FRAS1: variants seen among roughly 807,000 people sequenced by gnomAD.
FRAS1 encodes extracellular matrix organizing protein FRAS1.
Under a neutral mutation model 435.2 loss-of-function variants are expected in FRAS1, and 290 were observed. The observed-to-expected ratio is 0.67, with a 90% confidence interval of 0.61 to 0.73. The LOEUF is 0.73. Ranked by LOEUF, FRAS1 falls within the 30% of genes least tolerant of loss-of-function variation. The pLI is 0.00. For missense variants in FRAS1, 4,860 were observed against 5,001.5 expected (o/e 0.97, Z 0.85); for synonymous variants, 1,800 against 1,851.0 (o/e 0.97, Z 0.71).
intron 5 of FRAS1, 35 bp downstream of exon 5, chr4:78,252,586 CT>C: frequency 6.3e-7 from 1 of 1,589,586 alleles, no homozygotes; most frequent in Non-Finnish European, 8.6e-7. Flanking sequence ...ACCCTCTTTG[CT>C]TGGGAGGTTC....
intron 2 of FRAS1, among the ~76,000 whole-genome samples, chr4:78,194,448 T>C (rs1016927493): frequency 1.3e-5 from 2 of 152,242 alleles, no homozygotes; most frequent in African/African-American, 4.8e-5. Flanking sequence ...TAGTCTCATA[T>C]TTCTTGGAGG....
chr4:78,317,349 C>G lies in FRAS1; in HGVS notation c.1820-19C>G, dbSNP rs1243757111. 4 of 1,613,560 alleles carry G rather than the reference C, an allele frequency of 2.5e-6. No homozygotes were observed. Among genetic ancestry groups the G allele is most frequent in the Non-Finnish European group, 3.4e-6 (4 of 1,179,694 alleles). ...TCACCCATGTCCCATGGCGTTCTCC[C>G]TCTCACTCTCTTCCTCAGTTTGTCA... On this transcript the variant is annotated intron_variant, in intron 16 of 73. Transcript: ENST00000512123.
At chr4:78,116,040 C>G (rs993562330) in intron 2 of FRAS1, among the ~76,000 whole-genome samples, 1 of 152,172 alleles carries the variant, frequency 6.6e-6, no homozygotes, top group Non-Finnish European at 1.5e-5. Flanking sequence ...TCTTTGTTCT[C>G]ATTGGTTTCA....
At chr4:78,080,465 G>A (rs1487342312) in intron 2 of FRAS1, among the ~76,000 whole-genome samples, 1 of 152,066 alleles carries the variant, frequency 6.6e-6, no homozygotes, top group Non-Finnish European at 1.5e-5. Flanking sequence ...TTCTATCATA[G>A]GCAAGAAGTC....
At chr4:78,174,098 C>G (rs757738840) in intron 2 of FRAS1, among the ~76,000 whole-genome samples, 7 of 152,166 alleles carry the variant, frequency 4.6e-5, no homozygotes, top group Non-Finnish European at 7.4e-5. Context: ...AGAATAGCAG[C>G]TTCTTTTATT....
intron 38 of FRAS1, among the ~76,000 whole-genome samples, chr4:78,433,271 A>G (rs1163206841): frequency 6.6e-6 from 1 of 152,224 alleles, no homozygotes; most frequent in Non-Finnish European, 1.5e-5. Flanking sequence ...GCTAAGGATA[A>G]TGAGGATGAT....
intron 5 of FRAS1, among the ~76,000 whole-genome samples, chr4:78,252,853 G>A (rs1355060020): frequency 2.6e-5 from 4 of 152,156 alleles, no homozygotes; most frequent in Non-Finnish European, 5.9e-5. Flanking sequence ...ATGCTTCAAA[G>A]GGCAATAAAG....
chr4:78,060,110 T>C (rs1739689787), intron 1 of FRAS1, among the ~76,000 whole-genome samples: 1 of 152,108 alleles, frequency 6.6e-6, no homozygotes, highest in Admixed American at 6.6e-5. Flanking sequence ...TGAGCAGGTA[T>C]TGTTTGCCTG....
rs150199754 is a variant in FRAS1 at position 78,157,589 on chromosome 4, T to C, written c.109-79921T>C. On this transcript the variant is annotated intron_variant, in intron 2 of 73. Transcript: ENST00000512123. ...AATTAGTGATACTAAGCATTTTTCATGTTTGTTGGCTGCTTGTATGTCTTC... is the reference window on the plus strand; with the variant it reads ...AATTAGTGATACTAAGCATTTTTCACGTTTGTTGGCTGCTTGTATGTCTTC... Among the ~76,000 whole-genome samples, 472 of 152,356 alleles carry C rather than the reference T, an allele frequency of 3.1e-3. 5 individuals are homozygous for C. Among genetic ancestry groups the C allele is most frequent in the African/African-American group, 0.011 (456 of 41,588 alleles).
chr4:78,112,247 T>G (rs1277004745), intron 2 of FRAS1, among the ~76,000 whole-genome samples: 1 of 152,134 alleles, frequency 6.6e-6, no homozygotes, highest in Non-Finnish European at 1.5e-5. Context: ...AGAAAAGTCA[T>G]GTCAAAAGCT....
At chr4:78,208,304 G>A (rs1723349283) in intron 2 of FRAS1, among the ~76,000 whole-genome samples, 1 of 152,140 alleles carries the variant, frequency 6.6e-6, no homozygotes, top group African/African-American at 2.4e-5. Flanking sequence ...GCAGCCTTGA[G>A]CTCTAGATCT....
In FRAS1 at chr4:78,359,907, A is replaced by G. The variant is rs142394116; in HGVS notation, c.2423-3606A>G. 6.8e-4 allele frequency among the ~76,000 whole-genome samples: 104 copies of G among 152,268 alleles called. 1 individual carries two copies. In the Middle Eastern group the frequency reaches 0.027, roughly 40 times the overall value. On this transcript the variant is annotated intron_variant, in intron 20 of 73. Transcript: ENST00000512123. ...TTGGGGACTGATCTGATGCCTTCTT[A>G]TGGCTTAACATGGAGCTGTGGAAGG...
chr4:78,109,579 A>T (rs1235922811), intron 2 of FRAS1, among the ~76,000 whole-genome samples: 11 of 112,878 alleles, frequency 9.7e-5, no homozygotes, highest in South Asian at 7.0e-4. Context: ...TCAATAAATT[A>T]GGTATTGATG....
rs964063855 is a variant in FRAS1, at chr4:78,448,465, ATTG to A, written c.6274+152_6274+154del. ...GGGGAGATTGGAGTCTTGGAAAACT[ATTG>A]TTTTTGGGATACTAAGAATTGTTAG... On this transcript the variant is annotated intron_variant, in intron 44 of 73. Transcript: ENST00000512123. The A allele has an allele frequency of 5.5e-6, 4 of 721,882 alleles. No individual in the cohort carries two copies. In the African/African-American group the frequency reaches 7.1e-5, roughly 13 times the overall value. 44.7% of individuals were successfully genotyped at this position (721,882 alleles called of 1,614,324 possible).
Position 78,062,671 on chromosome 4 carries a change from G to A in FRAS1, c.77-3314G>A, listed in dbSNP as rs114630246. 1.8e-3 allele frequency among the ~76,000 whole-genome samples: 271 copies of A among 152,126 alleles called. 2 individuals carry two copies. The highest frequency in any genetic ancestry group is 5.8e-3 in the African/African-American group (239 of 41,492). ...TTTTATACAGTCATCTCATAAAGGC[G>A]TATATTATAATGTGCAAAAGGGATT... On this transcript the variant is annotated intron_variant, in intron 1 of 73. Transcript: ENST00000512123.
intron 2 of FRAS1, chr4:78,068,698 C>A: frequency 2.6e-6 from 1 of 382,934 alleles, no homozygotes; most frequent in Middle Eastern, 3.9e-4. Flanking sequence ...GGGTGAGTCA[C>A]TAAAAAATTT....
intron 20 of FRAS1, among the ~76,000 whole-genome samples, chr4:78,359,210 C>G (rs373360220): frequency 1.3e-5 from 2 of 152,158 alleles, no homozygotes; most frequent in Non-Finnish European, 2.9e-5. Flanking sequence ...AGCCTGCTCA[C>G]AGGTGGTGCC....
chr4:78,306,798 C>A lies in FRAS1; in HGVS notation c.1535-1268C>A, dbSNP rs192089404. ...TTTTTCAAAGTTTTCAACTTCTTTGCGTTTGGTTTGAATGTCCTCCTGTAG... is the reference window on the plus strand; with the variant it reads ...TTTTTCAAAGTTTTCAACTTCTTTGAGTTTGGTTTGAATGTCCTCCTGTAG... On this transcript the variant is annotated intron_variant, in intron 14 of 73. Coordinates refer to ENST00000512123, the MANE Select transcript of FRAS1 (RefSeq NM_025074.7). Among the ~76,000 whole-genome samples the A allele has an allele frequency of 3.2e-4, 49 of 152,116 alleles. 2 individuals carry two copies. In the South Asian group the frequency reaches 3.9e-3, roughly 12 times the overall value.
chr4:78,409,350 C>G (rs1275206713), intron 31 of FRAS1, among the ~76,000 whole-genome samples: 1 of 151,916 alleles, frequency 6.6e-6, no homozygotes, highest in Non-Finnish European at 1.5e-5. Context: ...AATAACCTAT[C>G]AAAACTTAAA....
Sources: gnomAD v4.1 joint callset for allele counts (sites outside exome capture counted in the v4.1 genomes callset) on GRCh38, gnomAD v4.1.1 for gene constraint, MANE v1.5 for transcripts, NCBI Gene and HGNC (gene_info 2026-07-23, HGNC 2026-07-21) for gene names.